FBXL17: variants seen among roughly 807,000 people sequenced by gnomAD.
FBXL17 encodes F-box and leucine rich repeat protein 17, also known as F-box/LRR-repeat protein 17.
FBXL17 carries 22 observed loss-of-function variants against 66.2 expected under a neutral mutation model. The observed-to-expected ratio is 0.33, with a 90% CI of 0.24 to 0.47. The LOEUF is 0.47. Ranked by LOEUF, FBXL17 falls within the 20% of genes least tolerant of loss-of-function variation. FBXL17 has a pLI of 1.00. For synonymous variants in FBXL17, 474 were observed against 400.5 expected, an observed-to-expected ratio of 1.18 and a Z score of -2.19; for missense variants, 878 against 948.2, an observed-to-expected ratio of 0.93 and a Z score of 0.97.
intron 4 of FBXL17, among the ~76,000 whole-genome samples, chr5:108,233,224 T>C (rs1390313990): frequency 2.0e-5 from 3 of 152,164 alleles, no homozygotes; most frequent in Non-Finnish European, 4.4e-5. Flanking sequence ...TTCTTAATGG[T>C]GTTCTTAGCT....
At chr5:108,096,671 T>C (rs1387815311) in intron 6 of FBXL17, among the ~76,000 whole-genome samples, 1 of 152,168 alleles carries the variant, frequency 6.6e-6, no homozygotes, top group Non-Finnish European at 1.5e-5. Context: ...CTTTTCTTAT[T>C]TGTGGGGTGT....
At chr5:108,293,108 A>C (rs926853550) in intron 4 of FBXL17, among the ~76,000 whole-genome samples, 1 of 151,668 alleles carries the variant, frequency 6.6e-6, no homozygotes, top group Non-Finnish European at 1.5e-5. Context: ...CAAAAAAAAA[A>C]AAACAAAAAA....
At position 108,381,695 on chromosome 5, in the gene FBXL17, G is replaced by C. The variant is rs1749962291; in HGVS notation, c.-4C>G. 15 of 1,461,320 alleles carry C rather than the reference G, an allele frequency of 1.0e-5. No individual in the cohort carries two copies. The highest frequency in any genetic ancestry group is 1.3e-5 in the Non-Finnish European group (15 of 1,111,664). The allele number at this position is 1,461,320 out of a possible 1,614,324, so 90.5% of individuals were successfully genotyped here. A position where few individuals can be genotyped will look rare whatever the true frequency, so the allele number is the denominator to read the frequency against. ...CCTTCGAGAGAAGGTGGCCCATATA[G>C]AAGGCCCCGAGGAGGGGGACCGGGA... On this transcript the variant is annotated 5_prime_UTR_variant, in exon 1 of 9. Coordinates refer to ENST00000542267, the MANE Select transcript of FBXL17 (RefSeq NM_001163315.3).
At chr5:107,946,419 T>C (rs1241423904) in intron 7 of FBXL17, among the ~76,000 whole-genome samples, 2 of 144,728 alleles carry the variant, frequency 1.4e-5, no homozygotes, top group Non-Finnish European at 3.0e-5. Flanking sequence ...GCCATCAGAG[T>C]AACTAGGACT....
chr5:107,916,721 G>A (rs1213551899), intron 7 of FBXL17, among the ~76,000 whole-genome samples: 1 of 152,032 alleles, frequency 6.6e-6, no homozygotes, highest in African/African-American at 2.4e-5. Flanking sequence ...TGGCTCCTGG[G>A]CATAAAATAT....
chr5:108,151,509 A>T (rs1165197204), intron 6 of FBXL17, among the ~76,000 whole-genome samples: 1 of 152,200 alleles, frequency 6.6e-6, no homozygotes, highest in Non-Finnish European at 1.5e-5. Flanking sequence ...GAAAGGTGAG[A>T]TAAGGTTTCT....
chr5:108,160,503 C>T (rs1428284642), intron 6 of FBXL17, among the ~76,000 whole-genome samples: 8 of 152,134 alleles, frequency 5.3e-5, no homozygotes, highest in Non-Finnish European at 1.0e-4. Context: ...ATAGAGTGAA[C>T]TGGGTTGGCA....
intron 6 of FBXL17, among the ~76,000 whole-genome samples, chr5:108,028,660 C>G (rs1038831543): frequency 6.6e-6 from 1 of 152,120 alleles, no homozygotes; most frequent in African/African-American, 2.4e-5. Context: ...TGATGTTCAA[C>G]ACAGACCTCC....
intron 4 of FBXL17, among the ~76,000 whole-genome samples, chr5:108,249,911 C>T (rs895257614): frequency 8.5e-5 from 13 of 152,066 alleles, no homozygotes; most frequent in East Asian, 3.8e-4. Context: ...TAAACAGCAA[C>T]GAATGAAGAG....
chr5:108,150,141 A>C (rs1751713639), intron 6 of FBXL17, among the ~76,000 whole-genome samples: 1 of 152,200 alleles, frequency 6.6e-6, no homozygotes, highest in African/African-American at 2.4e-5. Context: ...GTTACCCCTA[A>C]GTATTCAGCA....
intron 4 of FBXL17, among the ~76,000 whole-genome samples, chr5:108,248,497 T>C (rs541765205): frequency 6.6e-6 from 1 of 152,190 alleles, no homozygotes; most frequent in Non-Finnish European, 1.5e-5. Flanking sequence ...TTATCAGAAT[T>C]CCAGAAAGAC....
At chr5:108,327,635 C>A (rs774888755) in intron 4 of FBXL17, among the ~76,000 whole-genome samples, 37 of 152,068 alleles carry the variant, frequency 2.4e-4, no homozygotes, top group Non-Finnish European at 4.9e-4. Context: ...AAACAACAAG[C>A]AAACACTAAG....
intron 6 of FBXL17, among the ~76,000 whole-genome samples, chr5:108,184,400 G>C (rs748465056): frequency 6.6e-6 from 1 of 151,010 alleles, no homozygotes; most frequent in Non-Finnish European, 1.5e-5. Context: ...TCTGCCTCCC[G>C]GGTTCACGCC....
intron 4 of FBXL17, among the ~76,000 whole-genome samples, chr5:108,244,159 G>A (rs1755987452): frequency 6.6e-6 from 1 of 151,816 alleles, no homozygotes; most frequent in South Asian, 2.1e-4. Flanking sequence ...ATTTCCATCT[G>A]TCACTCTACC....
At chr5:108,314,400 A>G (rs1259020876) in intron 4 of FBXL17, among the ~76,000 whole-genome samples, 3 of 151,722 alleles carry the variant, frequency 2.0e-5, no homozygotes, top group Non-Finnish European at 4.4e-5. Context: ...CTGTGAAAAC[A>G]TAAAATTCCT....
At chr5:107,862,291 GT>G (rs1748146030) in intron 8 of FBXL17, among the ~76,000 whole-genome samples, 1 of 151,766 alleles carries the variant, frequency 6.6e-6, no homozygotes, top group Non-Finnish European at 1.5e-5. Context: ...AGACAGAAGT[GT>G]TGGGGAAGAT....
At chr5:108,308,520 A>C (rs1328150945) in intron 4 of FBXL17, among the ~76,000 whole-genome samples, 3 of 152,146 alleles carry the variant, frequency 2.0e-5, no homozygotes, top group Non-Finnish European at 4.4e-5. Context: ...CTGCGGTCAA[A>C]ACAGGTTTTG....
chr5:108,108,402 A>T (rs1280125591), intron 6 of FBXL17, among the ~76,000 whole-genome samples: 1 of 152,226 alleles, frequency 6.6e-6, no homozygotes, highest in Non-Finnish European at 1.5e-5. Context: ...AACCTTAATG[A>T]AAGTGTTTAG....
intron 7 of FBXL17, among the ~76,000 whole-genome samples, chr5:107,969,446 T>C (rs1752284973): frequency 6.6e-6 from 1 of 152,210 alleles, no homozygotes; most frequent in African/African-American, 2.4e-5. Context: ...CCCATTTATA[T>C]AGAACACCCA....
Sources: gnomAD v4.1 joint callset for allele counts (sites outside exome capture counted in the v4.1 genomes callset) on GRCh38, gnomAD v4.1.1 for gene constraint, MANE v1.5 for transcripts, NCBI Gene and HGNC (gene_info 2026-07-23, HGNC 2026-07-21) for gene names.